FAM78B: variants seen among roughly 807,000 people sequenced by gnomAD.
FAM78B encodes the protein protein FAM78B.
In FAM78B, 10 loss-of-function variants were observed where a neutral mutation model predicts 20.0. The observed-to-expected ratio is 0.50, with a 90% CI of 0.31 to 0.85. FAM78B has a LOEUF of 0.85. Ranked by LOEUF, FAM78B falls within the 40% of genes least tolerant of loss-of-function variation. The probability of loss-of-function intolerance (pLI) is 0.05; values close to 1 mark genes in which losing one functional copy is unlikely to be tolerated. For missense variants in FAM78B, 283 were observed against 345.0 expected (o/e 0.82, Z 1.42); for synonymous variants, 135 against 132.8 (o/e 1.02, Z -0.12).
At chr1:166,061,745 A>T (rs1428237595) in intron 2 of FAM78B, among the ~76,000 whole-genome samples, 2 of 152,200 alleles carry the variant, frequency 1.3e-5, no homozygotes, top group Non-Finnish European at 2.9e-5. Context: ...GATTGGTTAG[A>T]ATTGGTCAGA....
intron 1 of FAM78B, among the ~76,000 whole-genome samples, chr1:166,125,952 C>G (rs1654627159): frequency 6.6e-6 from 1 of 151,360 alleles, no homozygotes; most frequent in Admixed American, 6.6e-5. Context: ...CTGCCTCATC[C>G]TCCCAAGTAG....
intron 1 of FAM78B, among the ~76,000 whole-genome samples, chr1:166,165,360 C>G (rs1252017431): frequency 6.6e-6 from 1 of 152,190 alleles, no homozygotes; most frequent in African/African-American, 2.4e-5. Flanking sequence ...AGCTCCCCAC[C>G]AGAACTGGTC....
intron 1 of FAM78B, among the ~76,000 whole-genome samples, chr1:166,138,475 CT>C (rs1244040982): frequency 7.2e-5 from 11 of 152,148 alleles, no homozygotes; most frequent in Non-Finnish European, 1.5e-4. Flanking sequence ...CTGCATCTAC[CT>C]TATCTCTCTT....
At chr1:166,129,760 T>C (rs1654804847) in intron 1 of FAM78B, among the ~76,000 whole-genome samples, 1 of 152,074 alleles carries the variant, frequency 6.6e-6, no homozygotes, top group African/African-American at 2.4e-5. Flanking sequence ...AACCTCATCC[T>C]CCCTTCTCCT....
chr1:166,156,092 A>G (rs897834252), intron 1 of FAM78B, among the ~76,000 whole-genome samples: 13 of 152,206 alleles, frequency 8.5e-5, no homozygotes, highest in Admixed American at 7.2e-4. Context: ...TGTGCCGGAC[A>G]CAGGCCCACC....
intron 1 of FAM78B, among the ~76,000 whole-genome samples, chr1:166,152,655 G>GATTC (rs369101683): frequency 2.1e-5 from 3 of 140,474 alleles, no homozygotes; most frequent in Non-Finnish European, 4.5e-5. Context: ...TGGTACTCTG[G>GATTC]ATTTATTTAT....
chr1:166,078,727 T>C (rs2101720269), intron 1 of FAM78B, among the ~76,000 whole-genome samples: 1 of 151,896 alleles, frequency 6.6e-6, no homozygotes, highest in East Asian at 1.9e-4. Flanking sequence ...AGCAACATTC[T>C]TGGAGGCAGG....
chr1:166,075,681 T>TTA (rs1652242429), intron 1 of FAM78B, among the ~76,000 whole-genome samples: 1 of 152,250 alleles, frequency 6.6e-6, no homozygotes, highest in Non-Finnish European at 1.5e-5. Context: ...CTCAGTGTCC[T>TTA]TTGCTAGTTC....
At chr1:166,121,430 C>T (rs1203948791) in intron 1 of FAM78B, among the ~76,000 whole-genome samples, 1 of 152,200 alleles carries the variant, frequency 6.6e-6, no homozygotes, top group Non-Finnish European at 1.5e-5. Context: ...GAGCTCTATA[C>T]TGTCTAAGCA....
At chr1:166,128,319 G>A (rs1473557911) in intron 1 of FAM78B, among the ~76,000 whole-genome samples, 1 of 151,978 alleles carries the variant, frequency 6.6e-6, no homozygotes, top group East Asian at 1.9e-4. Flanking sequence ...CAATGGACTG[G>A]AGGAAGCCTG....
chr1:166,116,843 T>C (rs1166381747), intron 1 of FAM78B, among the ~76,000 whole-genome samples: 2 of 152,170 alleles, frequency 1.3e-5, no homozygotes, highest in Non-Finnish European at 2.9e-5. Context: ...CAACTATCTG[T>C]AAAATGGGAG....
At chr1:166,125,502 C>T (rs567029287) in intron 1 of FAM78B, among the ~76,000 whole-genome samples, 11 of 152,294 alleles carry the variant, frequency 7.2e-5, no homozygotes, top group Non-Finnish European at 1.6e-4. Flanking sequence ...TTATCAATGT[C>T]AAAGTCAGAT....
chr1:166,152,993 C>A (rs559225744), intron 1 of FAM78B, among the ~76,000 whole-genome samples: 2 of 152,216 alleles, frequency 1.3e-5, no homozygotes, highest in East Asian at 3.9e-4. Flanking sequence ...TTTAACTGTT[C>A]CCAGCTTCCT....
At chr1:166,111,642 C>T (rs1654062185) in intron 1 of FAM78B, among the ~76,000 whole-genome samples, 1 of 152,220 alleles carries the variant, frequency 6.6e-6, no homozygotes, top group African/African-American at 2.4e-5. Flanking sequence ...AGGTCAAAGT[C>T]TACGTCTTTA....
intron 1 of FAM78B, chr1:166,087,045 G>A (rs1017486665): frequency 2.6e-5 from 4 of 152,004 alleles, no homozygotes; most frequent in Non-Finnish European, 4.4e-5. Flanking sequence ...CAACACTACC[G>A]GGCGGCTATT....
chr1:166,070,640 G>A lies in FAM78B; in HGVS notation c.387C>T (p.Asn129=). The change falls in exon 2 of 2, where the codon AAC becomes AAT. Residue 129 remains asparagine (N), a synonymous_variant. Transcript: ENST00000354422. ...TETVTLVGPT[N]KISRFSVSMN... ...TGCTGACGGAGAACCTGGAGATCTT[G>A]TTGGTGGGGCCAACCAGGGTCACAG... The A allele has an allele frequency of 6.2e-7, 1 of 1,613,748 alleles. No individual in the cohort carries two copies. Among genetic ancestry groups the A allele is most frequent in the Non-Finnish European group, 8.5e-7 (1 of 1,180,014 alleles).
chr1:166,060,551 A>G (rs1298394710), exon 3 of FAM78B: 3 of 1,224,752 alleles, frequency 2.4e-6, no homozygotes, highest in East Asian at 1.1e-4. Context: ...TTAATGGGAA[A>G]TCAGCTGTCC....
exon 3 of FAM78B, chr1:166,060,627 T>C (rs759775760): frequency 7.0e-6 from 9 of 1,289,092 alleles, no homozygotes; most frequent in South Asian, 6.2e-5. Context: ...TGCCATGTGG[T>C]TGTGCTTGCT....
At chr1:166,068,991 C>A (rs1033061879), downstream of FAM78B, among the ~76,000 whole-genome samples, 1 of 152,182 alleles carries the variant, frequency 6.6e-6, no homozygotes, top group Non-Finnish European at 1.5e-5. Flanking sequence ...CTTAGCAATA[C>A]AGGCTTGCTT....
Sources: allele counts gnomAD v4.1 joint callset (sites outside exome capture counted in the v4.1 genomes callset), GRCh38; gene constraint gnomAD v4.1.1; transcripts MANE v1.5; gene names NCBI Gene and HGNC (gene_info 2026-07-23, HGNC 2026-07-21).